The following PCDHGA1 variants were observed in gnomAD, a reference collection of about 807,000 sequenced individuals.
The protein encoded by PCDHGA1 is protocadherin gamma subfamily A, 1, also known as protocadherin gamma-A1.
A neutral mutation model predicts 58.0 loss-of-function variants in PCDHGA1; 32 were observed. The ratio of observed to expected loss-of-function variants is 0.55; its 90% CI spans 0.42 to 0.74. The LOEUF (loss-of-function observed/expected upper bound fraction) is 0.74, where lower values mean the gene tolerates loss of function less well. PCDHGA1 is among the 30% of genes least tolerant of loss of function. The pLI is 0.00. For missense variants in PCDHGA1, 1,205 were observed against 1,182.3 expected, an observed-to-expected ratio of 1.02 and a Z score of -0.28; for synonymous variants, 498 against 501.1, an observed-to-expected ratio of 0.99 and a Z score of 0.08.
chr5:141,485,609 G>T lies in PCDHGA1; in HGVS notation c.2422-9198G>T. On this transcript the variant is annotated intron_variant, in intron 1 of 3. Coordinates refer to ENST00000517417, the MANE Select transcript of PCDHGA1 (RefSeq NM_018912.3). The surrounding 1 kb of genome is among the most constrained non-coding windows in gnomAD (Gnocchi z 5.7). ...GCTGGACTTGGAAATTGGGGAGGCA[G>T]CTCCTCCAGGACAGCGTTTCCCGTT... The T allele has an allele frequency of 6.2e-7, 1 of 1,612,256 alleles. No homozygotes were observed. Among genetic ancestry groups the T allele is most frequent in the Non-Finnish European group, 8.5e-7 (1 of 1,178,656 alleles).
At chr5:141,392,691 AC>A in intron 1 of PCDHGA1, 1 of 1,132,688 alleles carries the variant, frequency 8.8e-7, no homozygotes, top group Non-Finnish European at 1.2e-6. Context: ...GCGAAACCCG[AC>A]CCCTGTTTGG....
intron 1 of PCDHGA1, among the ~76,000 whole-genome samples, chr5:141,358,249 C>A (rs1467054319): frequency 2.0e-5 from 3 of 152,134 alleles, no homozygotes; most frequent in African/African-American, 4.8e-5. Flanking sequence ...CTTAGGTGTT[C>A]CTGAAAAGAT....
intron 1 of PCDHGA1, chr5:141,403,365 T>A: frequency 6.2e-7 from 1 of 1,614,024 alleles, no homozygotes; most frequent in Non-Finnish European, 8.5e-7. Context: ...GCCGAAAGTC[T>A]GGAAGTAAAA....
At chr5:141,366,253 C>T in intron 1 of PCDHGA1, 3 of 1,613,750 alleles carry the variant, frequency 1.9e-6, no homozygotes, top group Non-Finnish European at 1.7e-6. Flanking sequence ...TCAAGCAGAG[C>T]CTCGTGGTGG....
intron 1 of PCDHGA1, chr5:141,409,471 A>T: frequency 6.2e-7 from 1 of 1,613,978 alleles, no homozygotes; most frequent in Non-Finnish European, 8.5e-7. Context: ...TCACCATCGT[A>T]GCCACTGACA....
chr5:141,434,429 C>T (rs1379210960), intron 1 of PCDHGA1, among the ~76,000 whole-genome samples: 2 of 152,152 alleles, frequency 1.3e-5, no homozygotes, highest in Admixed American at 6.5e-5. Flanking sequence ...TCATGATGGC[C>T]GTAATGCCCA....
chr5:141,352,394 C>T (rs370902348), intron 1 of PCDHGA1: 1 of 1,614,050 alleles, frequency 6.2e-7, no homozygotes, highest in East Asian at 2.2e-5. Context: ...CCTGCGCCTG[C>T]GACGTTCCTC....
intron 1 of PCDHGA1, among the ~76,000 whole-genome samples, chr5:141,337,860 C>T (rs966739692): frequency 2.0e-5 from 3 of 152,298 alleles, no homozygotes; most frequent in African/African-American, 7.2e-5. Flanking sequence ...AACTTGACAA[C>T]CTCAAACAAT....
In PCDHGA1 at chr5:141,372,665, C is replaced by T. The variant is rs570619495; in HGVS notation, c.2421+39560C>T. 2.5e-6 allele frequency: 4 copies of T among 1,613,990 alleles called. No homozygotes were observed. In the African/African-American group the frequency reaches 4.0e-5, roughly 16 times the overall value. ...CTTATTCCTACAATCCGTGTGCTGC[C>T]TCACATTCCTCAAACACCGAGTTTA... On this transcript the variant is annotated intron_variant, in intron 1 of 3. Transcript: ENST00000517417.
chr5:141,414,486 AACGG>A, intron 1 of PCDHGA1: 1 of 1,613,938 alleles, frequency 6.2e-7, no homozygotes, highest in Non-Finnish European at 8.5e-7. Flanking sequence ...CTCCTCTATC[AACGG>A]AAGCTCACTT....
chr5:141,362,601 A>T, intron 1 of PCDHGA1: 6 of 1,575,186 alleles, frequency 3.8e-6, no homozygotes, highest in Non-Finnish European at 5.2e-6. Flanking sequence ...TTATTGTTTC[A>T]CCTAATTTGG....
At chr5:141,403,784 G>T in intron 1 of PCDHGA1, 1 of 1,613,906 alleles carries the variant, frequency 6.2e-7, no homozygotes, top group Non-Finnish European at 8.5e-7. Context: ...CGGAAAAGTG[G>T]CATACAAATT....
In PCDHGA1 at chr5:141,361,474, G is replaced by A. The variant is rs773626542; in HGVS notation, c.2421+28369G>A. ...CACCCTGCACATCTCCGACGTCAAC[G>A]ATAATGCCCCAGTTTTCCAACAGAC... is the stretch of plus-strand genomic sequence containing the variant. On this transcript the variant is annotated intron_variant, in intron 1 of 3. Transcript: ENST00000517417. 19 of 1,613,872 alleles carry A rather than the reference G, an allele frequency of 1.2e-5. No homozygotes were observed. The highest frequency in any genetic ancestry group is 1.5e-5 in the Non-Finnish European group (18 of 1,179,900).
chr5:141,473,974 C>T (rs958240236), intron 1 of PCDHGA1, among the ~76,000 whole-genome samples: 12 of 152,172 alleles, frequency 7.9e-5, no homozygotes, highest in Admixed American at 1.3e-4. Flanking sequence ...AAGTCTGAGG[C>T]GGGAGGATCC....
rs948944459 is a variant in PCDHGA1 at position 141,476,485 on chromosome 5, G to T, written c.2422-18322G>T. 1 of 1,614,076 alleles carries T rather than the reference G, an allele frequency of 6.2e-7. No individual in the cohort carries two copies. The highest frequency in any genetic ancestry group is 8.5e-7 in the Non-Finnish European group (1 of 1,180,016). ...CGCTGGAGCTGTTCAGCGTGGAAGT[G>T]GTGATCCAGGACATCAACGACAACA... is the stretch of plus-strand genomic sequence containing the variant. On this transcript the variant is annotated intron_variant, in intron 1 of 3. Coordinates refer to ENST00000517417, the MANE Select transcript of PCDHGA1 (RefSeq NM_018912.3). The surrounding 1 kb of genome is among the most constrained non-coding windows in gnomAD (Gnocchi z 7.6).
At chr5:141,463,075 A>G (rs943294678) in intron 1 of PCDHGA1, among the ~76,000 whole-genome samples, 3 of 152,180 alleles carry the variant, frequency 2.0e-5, no homozygotes, top group East Asian at 1.9e-4. Context: ...ATGAAATTCA[A>G]ACATTTTCCA....
intron 1 of PCDHGA1, among the ~76,000 whole-genome samples, chr5:141,456,745 A>T (rs573105679): frequency 6.6e-6 from 1 of 151,920 alleles, no homozygotes; most frequent in South Asian, 2.1e-4. Context: ...CGGGAGCATC[A>T]TGAGGTCAGG....
intron 1 of PCDHGA1, chr5:141,370,269 G>T: frequency 1.3e-6 from 1 of 783,944 alleles, no homozygotes; most frequent in East Asian, 2.7e-5. Flanking sequence ...TCCTGCAGCG[G>T]AGACACCCAT....
chr5:141,492,023 C>A, intron 1 of PCDHGA1: 1 of 564,804 alleles, frequency 1.8e-6, no homozygotes, highest in Non-Finnish European at 3.0e-6. Context: ...TCGGGGGTCC[C>A]GGGAGGAGGC....
Sources: gnomAD v4.1 joint callset for allele counts (sites outside exome capture counted in the v4.1 genomes callset) on GRCh38, gnomAD v4.1.1 for gene constraint, Gnocchi (gnomAD v3.1) non-coding constraint, MANE v1.5 for transcripts, NCBI Gene and HGNC (gene_info 2026-07-23, HGNC 2026-07-21) for gene names.